Variants in PID1 observed in about 807,000 individuals in gnomAD.
PID1 encodes PTB-containing, cubilin and LRP1-interacting protein.
A neutral mutation model predicts 19.1 loss-of-function variants in PID1; 10 were observed. The ratio of observed to expected loss-of-function variants is 0.52; its 90% CI spans 0.32 to 0.89. The LOEUF is 0.89. Ranked by LOEUF, PID1 falls within the 40% of genes least tolerant of loss-of-function variation. The pLI is 0.03. For missense variants in PID1, 248 were observed against 285.3 expected (o/e 0.87, Z 0.94); for synonymous variants, 130 against 116.0 (o/e 1.12, Z -0.78).
At chr2:229,163,390 T>C (rs1010436225) in intron 1 of PID1, among the ~76,000 whole-genome samples, 1 of 152,202 alleles carries the variant, frequency 6.6e-6, no homozygotes, top group Non-Finnish European at 1.5e-5. Flanking sequence ...CAAATCCTTA[T>C]AAATTTAAAA....
intron 1 of PID1, among the ~76,000 whole-genome samples, chr2:229,230,023 G>A (rs1341084928): frequency 6.6e-6 from 1 of 152,184 alleles, no homozygotes; most frequent in Non-Finnish European, 1.5e-5. Flanking sequence ...AAGGCATGCT[G>A]GGAGAGAGCT....
At chr2:229,058,158 T>C (rs2106190381) in intron 2 of PID1, among the ~76,000 whole-genome samples, 1 of 152,354 alleles carries the variant, frequency 6.6e-6, no homozygotes, top group Non-Finnish European at 1.5e-5. Context: ...AATCCTGCTC[T>C]ATATTACAAC....
At chr2:229,157,368 T>C (rs1690395399) in intron 1 of PID1, among the ~76,000 whole-genome samples, 1 of 149,858 alleles carries the variant, frequency 6.7e-6, no homozygotes, top group African/African-American at 2.5e-5. Context: ...AGGCGGAGGT[T>C]GCAGTGAGCC....
intron 2 of PID1, among the ~76,000 whole-genome samples, chr2:229,127,250 G>A (rs1469706427): frequency 6.6e-6 from 1 of 152,146 alleles, no homozygotes; most frequent in African/African-American, 2.4e-5. Context: ...TAACCTCTCT[G>A]TTTTCTGTTC....
intron 1 of PID1, among the ~76,000 whole-genome samples, chr2:229,221,687 C>T (rs981323690): frequency 1.9e-4 from 29 of 152,180 alleles, no homozygotes; most frequent in African/African-American, 6.8e-4. Context: ...AGTTCCACCA[C>T]CATTCCCTCT....
rs141405996 is a variant in PID1 at position 229,132,145 on chromosome 2, G to T, written c.177+23673C>A. Among the ~76,000 whole-genome samples the T allele has an allele frequency of 5.3e-3, 804 of 152,198 alleles. 7 individuals are homozygous for T. Among genetic ancestry groups the T allele is most frequent in the African/African-American group, 0.019 (771 of 41,516 alleles). Reference sequence around the variant, plus strand: ...CTGGGAGATGGAAGGCTTAAAATTGGCTATAAGAAAGGAAGGATACACTTA... The same window carrying T: ...CTGGGAGATGGAAGGCTTAAAATTGTCTATAAGAAAGGAAGGATACACTTA... On this transcript the variant is annotated intron_variant, in intron 2 of 2. Coordinates refer to ENST00000392055, the MANE Select transcript of PID1 (RefSeq NM_001100818.2).
At chr2:229,048,607 T>C (rs181268310) in intron 2 of PID1, among the ~76,000 whole-genome samples, 264 of 152,246 alleles carry the variant, frequency 1.7e-3, no homozygotes, top group African/African-American at 6.1e-3. Flanking sequence ...TGAAATTCCA[T>C]CAGCTCCATG....
chr2:229,139,129 G>A (rs1424939422), intron 2 of PID1, among the ~76,000 whole-genome samples: 1 of 114,862 alleles, frequency 8.7e-6, no homozygotes, highest in Admixed American at 8.1e-5. Flanking sequence ...AAGAAAGAAA[G>A]AAAGAAAGAA....
chr2:229,259,559 A>C (rs142424904), intron 1 of PID1, among the ~76,000 whole-genome samples: 53 of 152,310 alleles, frequency 3.5e-4, no homozygotes, highest in African/African-American at 1.0e-3. Context: ...TTTAGGTTTT[A>C]TATTTAGATT....
At chr2:229,210,745 C>T (rs1691715010) in intron 1 of PID1, among the ~76,000 whole-genome samples, 1 of 151,986 alleles carries the variant, frequency 6.6e-6, no homozygotes, top group Non-Finnish European at 1.5e-5. Flanking sequence ...CAGCAGTGAA[C>T]TTTGGCAGTT....
chr2:229,231,574 G>A (rs1692207832), intron 1 of PID1, among the ~76,000 whole-genome samples: 1 of 152,080 alleles, frequency 6.6e-6, no homozygotes, highest in South Asian at 2.1e-4. Flanking sequence ...TAGAGCCCAG[G>A]CACTCTGAGA....
chr2:229,206,593 C>A (rs1691613386), intron 1 of PID1, among the ~76,000 whole-genome samples: 1 of 152,074 alleles, frequency 6.6e-6, no homozygotes, highest in African/African-American at 2.4e-5. Flanking sequence ...CTAAACAGAC[C>A]CAATTCTAGC....
chr2:229,254,636 T>G (rs1224669248), intron 1 of PID1, among the ~76,000 whole-genome samples: 2 of 152,218 alleles, frequency 1.3e-5, no homozygotes, highest in African/African-American at 2.4e-5. Context: ...GTCTAGGTTT[T>G]CAGGCACAAC....
chr2:229,109,269 G>A (rs1015874063), intron 2 of PID1, among the ~76,000 whole-genome samples: 1 of 152,100 alleles, frequency 6.6e-6, no homozygotes. Context: ...TTTGGGTTAC[G>A]GGTGATTTCA....
At chr2:229,098,561 A>T (rs1023504006) in intron 2 of PID1, among the ~76,000 whole-genome samples, 1 of 152,154 alleles carries the variant, frequency 6.6e-6, no homozygotes, top group East Asian at 1.9e-4. Flanking sequence ...ATGTTTAAAA[A>T]ATAGTAGCTG....
At chr2:229,071,845 C>A (rs981676769) in intron 2 of PID1, among the ~76,000 whole-genome samples, 1 of 152,200 alleles carries the variant, frequency 6.6e-6, no homozygotes. Flanking sequence ...CTCATTCTAT[C>A]TGTATTGTCT....
chr2:229,124,875 C>T (rs561283665), intron 2 of PID1, among the ~76,000 whole-genome samples: 56 of 152,278 alleles, frequency 3.7e-4, no homozygotes, highest in African/African-American at 1.3e-3. Flanking sequence ...ATCTTATTCA[C>T]TGTGTATCTC....
chr2:229,093,818 A>T (rs1694922960), intron 2 of PID1, among the ~76,000 whole-genome samples: 1 of 152,160 alleles, frequency 6.6e-6, no homozygotes, highest in Non-Finnish European at 1.5e-5. Context: ...GAAATAATAA[A>T]TGTCATATAT....
At position 229,048,251 on chromosome 2, in the gene PID1, C is replaced by G. The variant is rs1427886166; in HGVS notation, c.178-22143G>C. Reference sequence around the variant, plus strand: ...CCTAACTCAGGAACCCCCTTTAAAGCAGCACTGTCTCAGCCTTTTTTACTA... The same window carrying G: ...CCTAACTCAGGAACCCCCTTTAAAGGAGCACTGTCTCAGCCTTTTTTACTA... On this transcript the variant is annotated intron_variant, in intron 2 of 2. Coordinates refer to ENST00000392055, the MANE Select transcript of PID1 (RefSeq NM_001100818.2). Among the ~76,000 whole-genome samples the G allele has an allele frequency of 3.9e-5, 6 of 152,284 alleles. No individual in the cohort carries two copies. In the South Asian group the frequency reaches 1.2e-3, roughly 32 times the overall value.
Sources: allele counts gnomAD v4.1 joint callset (sites outside exome capture counted in the v4.1 genomes callset), GRCh38; gene constraint gnomAD v4.1.1; transcripts MANE v1.5; gene names NCBI Gene and HGNC (gene_info 2026-07-23, HGNC 2026-07-21).